The following DCTN5 variants were observed in gnomAD, a reference collection of about 807,000 sequenced individuals.
DCTN5 encodes the protein dynactin 4.
In DCTN5, 14 loss-of-function variants were observed where a neutral mutation model predicts 23.5. The observed-to-expected ratio is 0.60, with a 90% CI of 0.39 to 0.93. The LOEUF is 0.93. Ranked by LOEUF, DCTN5 falls within the 40% of genes least tolerant of loss-of-function variation. The pLI, the probability that DCTN5 is intolerant of heterozygous loss-of-function variation, is 0.00. For synonymous variants in DCTN5, 67 were observed against 79.6 expected (o/e 0.84, Z 0.84); for missense variants, 156 against 225.9 (o/e 0.69, Z 1.98).
intron 4 of DCTN5, 117 bp from the exon 5 acceptor site, chr16:23,665,509 A>G (rs1967889503): frequency 2.1e-6 from 2 of 953,232 alleles, no homozygotes; most frequent in East Asian, 2.6e-5. Flanking sequence ...GGAAGTTGCA[A>G]CCAACCCTCT....
At position 23,665,713 on chromosome 16, in the gene DCTN5, T is replaced by C. The variant is rs1196410444; in HGVS notation, c.436T>C (p.Phe146Leu). 1 of 1,613,762 alleles carries C rather than the reference T, an allele frequency of 6.2e-7. No homozygotes were observed. Among genetic ancestry groups the C allele is most frequent in the Non-Finnish European group, 8.5e-7 (1 of 1,179,902 alleles). Residue 146 changes from phenylalanine (F) to leucine (L), a missense_variant, in exon 5 of 6, where the codon TTC becomes CTC. This residue lies in a region of DCTN5 where 153 missense variants were observed against 206.8 expected (regional missense o/e 0.74). Coordinates refer to ENST00000300087, the MANE Select transcript of DCTN5 (RefSeq NM_032486.4). ...AACTGTGGTTCCACCATTCACTGTC[T>C]TCTCAGGCTGCCCAGGTAACCTTGG... The part of the protein sequence containing the change: ...PETVVPPFTV[F>L]SGCPGLFSGE...
At chr16:23,658,447 C>T in intron 2 of DCTN5, 60 bp from the exon 3 acceptor site, 1 of 1,108,548 alleles carries the variant, frequency 9.0e-7, no homozygotes, top group Non-Finnish European at 1.4e-6. Context: ...GTTATCTACT[C>T]TTTTTTTGTT....
chr16:23,650,062 C>CT (rs112205128), intron 2 of DCTN5, among the ~76,000 whole-genome samples: 9,616 of 152,038 alleles, frequency 0.063, 636 homozygotes, highest in African/African-American at 0.16. Context: ...GCCTATGTGT[C>CT]TTTTTGTAAT....
chr16:23,660,944 T>TAA (rs1967798066), intron 3 of DCTN5, among the ~76,000 whole-genome samples: 1 of 152,190 alleles, frequency 6.6e-6, no homozygotes, highest in Non-Finnish European at 1.5e-5. Flanking sequence ...CCTCCTGCCT[T>TAA]GGTTTTTCCT....
chr16:23,668,734 C>A lies in DCTN5; in HGVS notation c.*1590C>A, dbSNP rs539591874. 4 of 152,328 alleles carry A rather than the reference C, an allele frequency of 2.6e-5. No individual in the cohort carries two copies. Among genetic ancestry groups the A allele is most frequent in the African/African-American group, 7.2e-5 (3 of 41,562 alleles). 9.4% of individuals were successfully genotyped at this position (152,328 alleles called of 1,614,324 possible). On this transcript the variant is annotated 3_prime_UTR_variant, in exon 6 of 6. Transcript: ENST00000300087. ...TCCTCCTGCTGCACATGAGCCTTCGCCGTGCATTTGGAGCCATGACAGCTG... is the reference window on the plus strand; with the variant it reads ...TCCTCCTGCTGCACATGAGCCTTCGACGTGCATTTGGAGCCATGACAGCTG...
At chr16:23,656,586 C>T (rs80268308) in intron 2 of DCTN5, among the ~76,000 whole-genome samples, 1,779 of 152,202 alleles carry the variant, frequency 0.012, 35 homozygotes, top group African/African-American at 0.041. Context: ...TCCTTATCTC[C>T]CTCCTTCCTT....
At chr16:23,658,680 T>C in intron 3 of DCTN5, 55 bp downstream of exon 3, 1 of 1,330,204 alleles carries the variant, frequency 7.5e-7, no homozygotes, top group South Asian at 1.2e-5. Flanking sequence ...CCACTGGTGG[T>C]GTGGTCCATG....
chr16:23,664,951 G>T (rs1967878883), intron 4 of DCTN5, among the ~76,000 whole-genome samples: 2 of 152,144 alleles, frequency 1.3e-5, no homozygotes, highest in African/African-American at 4.8e-5. Flanking sequence ...CGGCCAAATG[G>T]CTCCAGGCAT....
intron 2 of DCTN5, among the ~76,000 whole-genome samples, chr16:23,645,129 ATATATATATTTT>A (rs1967422343): frequency 4.2e-5 from 1 of 23,792 alleles, no homozygotes; most frequent in Non-Finnish European, 7.2e-5. Flanking sequence ...ATATATATAT[ATATATATATTTT>A]TTTTTTTTTT....
At chr16:23,641,698 C>G in intron 1 of DCTN5, 108 bp downstream of exon 1, 2 of 1,189,678 alleles carry the variant, frequency 1.7e-6, no homozygotes, top group Non-Finnish European at 2.5e-6. Flanking sequence ...TCCCTTTGGC[C>G]ATTAGTCCCG....
At chr16:23,648,748 A>G (rs1010302761) in intron 2 of DCTN5, among the ~76,000 whole-genome samples, 4 of 151,948 alleles carry the variant, frequency 2.6e-5, no homozygotes, top group African/African-American at 9.7e-5. Flanking sequence ...CTTTTCTCCA[A>G]ATCCTCACTA....
At chr16:23,647,588 G>T (rs1205397881) in intron 2 of DCTN5, among the ~76,000 whole-genome samples, 1 of 151,458 alleles carries the variant, frequency 6.6e-6, no homozygotes, top group East Asian at 1.9e-4. Flanking sequence ...GCTCACTGCA[G>T]CCTCCACTTC....
chr16:23,655,136 T>C (rs1967678988), intron 2 of DCTN5, among the ~76,000 whole-genome samples: 1 of 152,226 alleles, frequency 6.6e-6, no homozygotes, highest in African/African-American at 2.4e-5. Flanking sequence ...GTATCCATCT[T>C]GTTGCATATA....
In DCTN5 at chr16:23,668,390, T is replaced by G. The variant is rs1294667919; in HGVS notation, c.*1246T>G. ...AGAACTCCTTTCTAGTTTGTTATTT[T>G]TAAAATGTTTATACATAAAACCACC... On this transcript the variant is annotated 3_prime_UTR_variant, in exon 6 of 6. Coordinates refer to ENST00000300087, the MANE Select transcript of DCTN5 (RefSeq NM_032486.4). The G allele has an allele frequency of 6.6e-6, 1 of 152,244 alleles. No individual in the cohort carries two copies. Among genetic ancestry groups the G allele is most frequent in the African/African-American group, 2.4e-5 (1 of 41,468 alleles). 9.4% of individuals were successfully genotyped at this position (152,244 alleles called of 1,614,324 possible). A position where few individuals can be genotyped will look rare whatever the true frequency, so the allele number is the denominator to read the frequency against.
Position 23,657,971 on chromosome 16 carries a change from C to T in DCTN5, c.118-536C>T, listed in dbSNP as rs118113916. On this transcript the variant is annotated intron_variant, in intron 2 of 5. Transcript: ENST00000300087. ...ACCAAGTATAAGGCATTAATCCTCC[C>T]AGACTTATAGGGGAACAACTTCTGG... Among the ~76,000 whole-genome samples, 243 of 152,248 alleles carry T rather than the reference C, an allele frequency of 1.6e-3. 2 individuals carry two copies. In the East Asian group the frequency reaches 0.036, roughly 23 times the overall value.
intron 2 of DCTN5, among the ~76,000 whole-genome samples, chr16:23,656,222 G>GTCTC (rs1967701049): frequency 6.6e-6 from 1 of 152,056 alleles, no homozygotes; most frequent in Admixed American, 6.6e-5. Context: ...GCGAGACCCT[G>GTCTC]TCTCTATAAA....
chr16:23,667,381 C>A lies in DCTN5; in HGVS notation c.*237C>A. 1 of 539,868 alleles carries A rather than the reference C, an allele frequency of 1.9e-6. No individual in the cohort carries two copies. Among genetic ancestry groups the A allele is most frequent in the South Asian group, 2.2e-5 (1 of 45,182 alleles). The allele number at this position is 539,868 out of a possible 1,614,324, so 33.4% of individuals were successfully genotyped here. ...GCTGTGCTTACACCTTATCTATGAA[C>A]AGTCACTTTGTACCATTATCTGTGG... On this transcript the variant is annotated 3_prime_UTR_variant, in exon 6 of 6. Transcript: ENST00000300087.
intron 1 of DCTN5, 83 bp downstream of exon 1, chr16:23,641,673 C>G: frequency 1.5e-6 from 2 of 1,376,076 alleles, no homozygotes; most frequent in Admixed American, 3.6e-5. Flanking sequence ...CCTGCCCCTA[C>G]CCCACCAACC....
intron 2 of DCTN5, among the ~76,000 whole-genome samples, chr16:23,649,701 G>C (rs1450897569): frequency 6.6e-6 from 1 of 151,962 alleles, no homozygotes; most frequent in Admixed American, 6.6e-5. Context: ...AAATTAGCTG[G>C]GTGTGGCATG....
Sources: allele counts gnomAD v4.1 joint callset (sites outside exome capture counted in the v4.1 genomes callset), GRCh38; gene constraint gnomAD v4.1.1; regional missense constraint gnomAD v4.1.1; transcripts MANE v1.5; gene names NCBI Gene and HGNC (gene_info 2026-07-23, HGNC 2026-07-21).